EVI5: variants seen among roughly 807,000 people sequenced by gnomAD.
EVI5 encodes ecotropic viral integration site 5.
A neutral mutation model predicts 112.0 loss-of-function variants in EVI5; 73 were observed. The observed-to-expected ratio is 0.65, with a 90% CI of 0.54 to 0.79. EVI5 has a LOEUF of 0.79. EVI5 is among the 30% of genes least tolerant of loss of function. The probability of loss-of-function intolerance (pLI) is 0.00; values close to 1 mark genes in which losing one functional copy is unlikely to be tolerated. For missense variants in EVI5, 900 were observed against 968.8 expected (o/e 0.93, Z 0.94); for synonymous variants, 305 against 319.9 (o/e 0.95, Z 0.50).
At chr1:92,529,501 C>A (rs560317444) in intron 19 of EVI5, among the ~76,000 whole-genome samples, 43 of 152,100 alleles carry the variant, frequency 2.8e-4, no homozygotes, top group Middle Eastern at 3.4e-3. Flanking sequence ...ATGCAAACTG[C>A]CTAAAAATCT....
chr1:92,692,500 T>C (rs78524462), intron 9 of EVI5, among the ~76,000 whole-genome samples: 1,989 of 152,308 alleles, frequency 0.013, 19 homozygotes, highest in Middle Eastern at 0.027. Flanking sequence ...ACAAGTAACT[T>C]AATAAAAGCT....
intron 13 of EVI5, among the ~76,000 whole-genome samples, chr1:92,653,862 T>TA (rs1425766852): frequency 6.6e-6 from 1 of 152,180 alleles, no homozygotes; most frequent in Non-Finnish European, 1.5e-5. Context: ...AGCCTGGAGA[T>TA]AGACAGTGGT....
intron 14 of EVI5, among the ~76,000 whole-genome samples, chr1:92,634,508 G>T (rs553266800): frequency 6.6e-6 from 1 of 152,010 alleles, no homozygotes; most frequent in Non-Finnish European, 1.5e-5. Context: ...CGTAGTTCTC[G>T]TGCCGTGGTT....
chr1:92,564,865 A>T (rs1669189180), intron 18 of EVI5, among the ~76,000 whole-genome samples: 1 of 151,996 alleles, frequency 6.6e-6, no homozygotes, highest in African/African-American at 2.4e-5. Context: ...TTTTTAGTAG[A>T]GACAGGGTTT....
intron 18 of EVI5, among the ~76,000 whole-genome samples, chr1:92,585,402 C>G (rs1264665784): frequency 6.6e-6 from 1 of 151,882 alleles, no homozygotes; most frequent in East Asian, 1.9e-4. Flanking sequence ...TTAGGTAGAA[C>G]TGCTTGATCC....
intron 13 of EVI5, among the ~76,000 whole-genome samples, chr1:92,655,800 C>T (rs544210004): frequency 3.3e-5 from 5 of 152,162 alleles, no homozygotes; most frequent in African/African-American, 9.6e-5. Flanking sequence ...TATATGTACC[C>T]GATATAGGAG....
At chr1:92,680,752 T>C (rs968636551) in intron 9 of EVI5, among the ~76,000 whole-genome samples, 1 of 152,064 alleles carries the variant, frequency 6.6e-6, no homozygotes, top group Non-Finnish European at 1.5e-5. Context: ...TATCGTATGG[T>C]GAAATGAGAA....
chr1:92,720,418 A>C (rs562041787), intron 2 of EVI5, among the ~76,000 whole-genome samples: 3 of 152,178 alleles, frequency 2.0e-5, no homozygotes, highest in Admixed American at 6.5e-5. Context: ...AAAAACAAAA[A>C]ATGGGGAAAG....
intron 1 of EVI5, chr1:92,756,192 G>A (rs1195266100): frequency 5.0e-6 from 2 of 402,418 alleles, no homozygotes; most frequent in Non-Finnish European, 1.0e-5. Flanking sequence ...TGCTACATGT[G>A]TAACTCTTAT....
At chr1:92,549,194 C>G (rs1666346755) in intron 19 of EVI5, among the ~76,000 whole-genome samples, 1 of 152,172 alleles carries the variant, frequency 6.6e-6, no homozygotes, top group Non-Finnish European at 1.5e-5. Context: ...AATAATGCCA[C>G]ATGTCTACAA....
At chr1:92,672,433 T>C (rs1426406070) in intron 10 of EVI5, among the ~76,000 whole-genome samples, 2 of 152,204 alleles carry the variant, frequency 1.3e-5, no homozygotes, top group Non-Finnish European at 2.9e-5. Flanking sequence ...TTCTTCCAGA[T>C]AGTCACATAT....
At chr1:92,542,580 A>G (rs1196459157) in intron 19 of EVI5, among the ~76,000 whole-genome samples, 1 of 152,256 alleles carries the variant, frequency 6.6e-6, no homozygotes, top group Non-Finnish European at 1.5e-5. Context: ...CAAATCCATT[A>G]GAGGAATCAC....
chr1:92,695,507 T>C (rs559172215), intron 6 of EVI5, 54 bp from the exon 7 acceptor site: 24 of 1,196,596 alleles, frequency 2.0e-5, no homozygotes, highest in Admixed American at 1.6e-4. Context: ...TATTTTAAAT[T>C]AGATTATATT....
intron 18 of EVI5, among the ~76,000 whole-genome samples, chr1:92,579,919 T>C (rs1671680379): frequency 6.6e-6 from 1 of 152,206 alleles, no homozygotes; most frequent in Non-Finnish European, 1.5e-5. Flanking sequence ...CAAATGATAA[T>C]ACTGAATCTT....
chr1:92,608,374 C>A (rs1242019672), intron 16 of EVI5, among the ~76,000 whole-genome samples: 2 of 152,080 alleles, frequency 1.3e-5, no homozygotes, highest in Non-Finnish European at 2.9e-5. Flanking sequence ...AGTTTAATTC[C>A]TCTTTCCAGT....
At chr1:92,624,682 T>A (rs1655261042) in intron 15 of EVI5, among the ~76,000 whole-genome samples, 1 of 107,604 alleles carries the variant, frequency 9.3e-6, no homozygotes, top group Non-Finnish European at 1.7e-5. Context: ...GTCTCTAGTC[T>A]CTACTTCAAA....
intron 2 of EVI5, among the ~76,000 whole-genome samples, chr1:92,710,132 CA>C (rs1672628871): frequency 7.2e-6 from 1 of 139,166 alleles, no homozygotes; most frequent in Non-Finnish European, 1.5e-5. Flanking sequence ...TGCTTGAGCC[CA>C]GGAATTTGAG....
At chr1:92,610,157 G>T (rs964102265) in intron 16 of EVI5, among the ~76,000 whole-genome samples, 1 of 152,080 alleles carries the variant, frequency 6.6e-6, no homozygotes, top group Non-Finnish European at 1.5e-5. Context: ...AAAATCCTGC[G>T]ATCACAGGCA....
chr1:92,538,858 G>A (rs1664309536), intron 19 of EVI5, among the ~76,000 whole-genome samples: 1 of 152,210 alleles, frequency 6.6e-6, no homozygotes, highest in Non-Finnish European at 1.5e-5. Flanking sequence ...TTAGGAAACT[G>A]CAAGTGGTTT....
Sources: allele counts gnomAD v4.1 joint callset (sites outside exome capture counted in the v4.1 genomes callset), GRCh38; gene constraint gnomAD v4.1.1; transcripts MANE v1.5; gene names NCBI Gene and HGNC (gene_info 2026-07-23, HGNC 2026-07-21).